RPS6KA5: variants seen among roughly 807,000 people sequenced by gnomAD.
RPS6KA5 encodes the protein ribosomal protein S6 kinase A5.
A neutral mutation model predicts 85.5 loss-of-function variants in RPS6KA5; 27 were observed. The observed-to-expected ratio is 0.32, with a 90% CI of 0.23 to 0.44. The LOEUF (loss-of-function observed/expected upper bound fraction) is 0.44. RPS6KA5 is among the 20% of genes least tolerant of loss of function. The probability of loss-of-function intolerance (pLI) is 1.00; values close to 1 mark genes in which losing one functional copy is unlikely to be tolerated. For synonymous variants in RPS6KA5, 334 were observed against 348.2 expected (o/e 0.96, Z 0.46); for missense variants, 811 against 980.9 (o/e 0.83, Z 2.31).
chr14:90,876,534 T>C (rs1289189057), intron 14 of RPS6KA5, among the ~76,000 whole-genome samples: 2 of 152,268 alleles, frequency 1.3e-5, no homozygotes, highest in Admixed American at 6.5e-5. Context: ...GTAGCAGAGA[T>C]TGGATTTTAG....
chr14:91,050,643 G>A (rs2043040214), intron 1 of RPS6KA5, among the ~76,000 whole-genome samples: 1 of 152,060 alleles, frequency 6.6e-6, no homozygotes, highest in African/African-American at 2.4e-5. Flanking sequence ...TGGCCAGGCT[G>A]GTCTCAAACT....
chr14:91,001,542 G>T (rs2040798555), intron 1 of RPS6KA5, among the ~76,000 whole-genome samples: 1 of 152,132 alleles, frequency 6.6e-6, no homozygotes, highest in Non-Finnish European at 1.5e-5. Context: ...AACATTTACT[G>T]AGTATCTATT....
intron 4 of RPS6KA5, among the ~76,000 whole-genome samples, chr14:90,945,125 G>A (rs1348024298): frequency 6.6e-6 from 1 of 151,874 alleles, no homozygotes; most frequent in African/African-American, 2.4e-5. Flanking sequence ...GGTTGCGCAT[G>A]CCTGTTGTCC....
In RPS6KA5 at chr14:90,867,368, T is replaced by C. The variant is rs1279992491; in HGVS notation, c.*4706A>G. 2 of 152,026 alleles carry C rather than the reference T, an allele frequency of 1.3e-5. No homozygotes were observed. The highest frequency in any genetic ancestry group is 1.9e-4 in the East Asian group (1 of 5,196). 9.4% of individuals were successfully genotyped at this position (152,026 alleles called of 1,614,324 possible). A position where few individuals can be genotyped will look rare whatever the true frequency, so the allele number is the denominator to read the frequency against. On this transcript the variant is annotated 3_prime_UTR_variant, in exon 17 of 17. Transcript: ENST00000614987. Reference sequence around the variant, plus strand: ...TTTTTTAGTAAAGGGGCAAATTGTATACCAACATATAAATTAAAAGTGTTA... The same window carrying C: ...TTTTTTAGTAAAGGGGCAAATTGTACACCAACATATAAATTAAAAGTGTTA...
chr14:91,032,088 C>T (rs781181965), intron 1 of RPS6KA5, among the ~76,000 whole-genome samples: 1 of 152,148 alleles, frequency 6.6e-6, no homozygotes, highest in Non-Finnish European at 1.5e-5. Context: ...TACCTTCTCC[C>T]CTTGGGAAGC....
intron 3 of RPS6KA5, among the ~76,000 whole-genome samples, chr14:90,963,416 G>A (rs1205038939): frequency 6.6e-6 from 1 of 151,974 alleles, no homozygotes; most frequent in Non-Finnish European, 1.5e-5. Flanking sequence ...TAAATTTTAG[G>A]GAGAGGAATT....
rs1310726026 is a variant in RPS6KA5, at chr14:90,966,419, C to G, written c.394+11887G>C. Among the ~76,000 whole-genome samples the G allele has an allele frequency of 2.0e-5, 3 of 152,026 alleles. 1 individual carries two copies. The highest frequency in any genetic ancestry group is 7.2e-5 in the African/African-American group (3 of 41,382). On this transcript the variant is annotated intron_variant, in intron 3 of 16. Transcript: ENST00000614987. ...ACACAGTTACTCATAGAATACTAACCCTTTCTGTTAGTAGAGGAAGATGAA... is the reference window on the plus strand; with the variant it reads ...ACACAGTTACTCATAGAATACTAACGCTTTCTGTTAGTAGAGGAAGATGAA...
At chr14:91,034,306 CA>C (rs201455291) in intron 1 of RPS6KA5, among the ~76,000 whole-genome samples, 23,659 of 108,386 alleles carry the variant, frequency 0.22, 1,961 homozygotes, top group East Asian at 0.36. Flanking sequence ...AACCCTGTCT[CA>C]AAAAAAAAAA....
intron 1 of RPS6KA5, among the ~76,000 whole-genome samples, chr14:91,059,738 CATG>C (rs1333926699): frequency 2.6e-5 from 4 of 152,202 alleles, no homozygotes; most frequent in Non-Finnish European, 5.9e-5. Context: ...TATAGTATTT[CATG>C]ATAAGTGAGA....
Position 90,851,019 on chromosome 14 carries a change from G to T in RPS6KA5, c.*21055C>A, listed in dbSNP as rs992519987. Reference sequence around the variant, plus strand: ...AATGCTAGTCAATATTCACTACAGAGAAGTGGGTAAAGATACTTTTATTTT... The same window carrying T: ...AATGCTAGTCAATATTCACTACAGATAAGTGGGTAAAGATACTTTTATTTT... On this transcript the variant is annotated 3_prime_UTR_variant, in exon 17 of 17. Transcript: ENST00000614987. 6.6e-6 allele frequency: 1 copy of T among 152,078 alleles called. No homozygotes were observed. Among genetic ancestry groups the T allele is most frequent in the Non-Finnish European group, 1.5e-5 (1 of 68,032 alleles). 9.4% of individuals were successfully genotyped at this position (152,078 alleles called of 1,614,324 possible).
chr14:91,018,583 G>T (rs1270633203), intron 1 of RPS6KA5, among the ~76,000 whole-genome samples: 1 of 152,152 alleles, frequency 6.6e-6, no homozygotes, highest in Non-Finnish European at 1.5e-5. Context: ...TCCTATGCTG[G>T]ATTCTTCCTT....
rs939936662 is a variant in RPS6KA5 at position 90,861,547 on chromosome 14, A to C, written c.*10527T>G. The C allele has an allele frequency of 6.6e-6, 1 of 151,854 alleles. No homozygotes were observed. Among genetic ancestry groups the C allele is most frequent in the African/African-American group, 2.4e-5 (1 of 41,372 alleles). 9.4% of individuals were successfully genotyped at this position (151,854 alleles called of 1,614,324 possible). Reference sequence around the variant, plus strand: ...AAAAAAAAAAAAATAATGTCTTATGAAGTCTAAAACACATATATAGAGATA... The same window carrying C: ...AAAAAAAAAAAAATAATGTCTTATGCAGTCTAAAACACATATATAGAGATA... On this transcript the variant is annotated 3_prime_UTR_variant, in exon 17 of 17. Coordinates refer to ENST00000614987, the MANE Select transcript of RPS6KA5 (RefSeq NM_004755.4).
chr14:90,941,500 C>T (rs1186034190), intron 5 of RPS6KA5, among the ~76,000 whole-genome samples: 1 of 152,204 alleles, frequency 6.6e-6, no homozygotes, highest in East Asian at 1.9e-4. Context: ...TGTATGGTAT[C>T]CTCATCCTTA....
chr14:90,896,117 A>G (rs2034822156), intron 12 of RPS6KA5, among the ~76,000 whole-genome samples: 1 of 152,252 alleles, frequency 6.6e-6, no homozygotes, highest in Non-Finnish European at 1.5e-5. Context: ...CAGAGTGAAC[A>G]ACCCTTCTAA....
chr14:90,948,011 C>G (rs1389262261), intron 3 of RPS6KA5, among the ~76,000 whole-genome samples: 1 of 152,188 alleles, frequency 6.6e-6, no homozygotes, highest in African/African-American at 2.4e-5. Flanking sequence ...TGTCTACATG[C>G]ACTTCCAAAA....
chr14:91,055,979 G>C (rs1178837613), intron 1 of RPS6KA5, among the ~76,000 whole-genome samples: 1 of 152,162 alleles, frequency 6.6e-6, no homozygotes, highest in Non-Finnish European at 1.5e-5. Flanking sequence ...TCAGGTGACT[G>C]CAGTCCTGGC....
At chr14:91,008,801 C>G (rs2041137520) in intron 1 of RPS6KA5, among the ~76,000 whole-genome samples, 1 of 152,172 alleles carries the variant, frequency 6.6e-6, no homozygotes. Context: ...AATAATGGCT[C>G]TTCACTACAT....
intron 12 of RPS6KA5, among the ~76,000 whole-genome samples, 156 bp downstream of exon 12, chr14:90,899,173 G>A (rs1385045935): frequency 6.6e-6 from 1 of 152,074 alleles, no homozygotes. Context: ...TGGTTGGGGA[G>A]GGGTTTGAGA....
intron 5 of RPS6KA5, among the ~76,000 whole-genome samples, chr14:90,932,216 C>T (rs1015844095): frequency 1.3e-5 from 2 of 152,110 alleles, no homozygotes; most frequent in Non-Finnish European, 2.9e-5. Flanking sequence ...CTCTGCCTCC[C>T]GGATTCAAGC....
Sources: gnomAD v4.1 joint callset for allele counts (sites outside exome capture counted in the v4.1 genomes callset) on GRCh38, gnomAD v4.1.1 for gene constraint, MANE v1.5 for transcripts, NCBI Gene and HGNC (gene_info 2026-07-23, HGNC 2026-07-21) for gene names.